SOX4: variants seen among roughly 807,000 people sequenced by gnomAD.
The protein encoded by SOX4 is SRY-box transcription factor 4.
For missense variants in SOX4, 662 were observed against 694.9 expected, an observed-to-expected ratio of 0.95 and a Z score of 0.53; for synonymous variants, 465 against 348.4, an observed-to-expected ratio of 1.33 and a Z score of -3.73.
Position 21,594,415 on chromosome 6 carries a change from C to T in SOX4, c.-120C>T. Reference sequence around the variant, plus strand: ...GCGAGGAGTTGAGGGGCCAGTTCGGCCGCCGCGCGCGTCTTCCCGTTCGGC... The same window carrying T: ...GCGAGGAGTTGAGGGGCCAGTTCGGTCGCCGCGCGCGTCTTCCCGTTCGGC... On this transcript the variant is annotated 5_prime_UTR_variant, in exon 1 of 1. Coordinates refer to ENST00000244745, the MANE Select transcript of SOX4 (RefSeq NM_003107.3). The T allele has an allele frequency of 2.3e-6, 3 of 1,285,824 alleles. No individual in the cohort carries two copies. Among genetic ancestry groups the T allele is most frequent in the Non-Finnish European group, 3.0e-6 (3 of 1,016,634 alleles). The allele number at this position is 1,285,824 out of a possible 1,614,324, so 79.7% of individuals were successfully genotyped here. A position where few individuals can be genotyped will look rare whatever the true frequency, so the allele number is the denominator to read the frequency against.
Position 21,596,169 on chromosome 6 carries a change from C to A in SOX4, c.*210C>A. On this transcript the variant is annotated 3_prime_UTR_variant, in exon 1 of 1. Coordinates refer to ENST00000244745, the MANE Select transcript of SOX4 (RefSeq NM_003107.3). ...CCCGCGCTCCCATCCCCCACCTTCCCGGGCCGGGGACCCACTCTGCCCAGC... is the reference window on the plus strand; with the variant it reads ...CCCGCGCTCCCATCCCCCACCTTCCAGGGCCGGGGACCCACTCTGCCCAGC... 1 of 708,890 alleles carries A rather than the reference C, an allele frequency of 1.4e-6. No individual in the cohort carries two copies. The highest frequency in any genetic ancestry group is 2.1e-6 in the Non-Finnish European group (1 of 485,256). 43.9% of individuals were successfully genotyped at this position (708,890 alleles called of 1,614,324 possible). A position where few individuals can be genotyped will look rare whatever the true frequency, so the allele number is the denominator to read the frequency against.
chr6:21,596,147 G>A lies in SOX4; in HGVS notation c.*188G>A. The A allele has an allele frequency of 5.2e-6, 5 of 955,470 alleles. No homozygotes were observed. The South Asian group carries it at 9.9e-5, about 19-fold the overall frequency. The allele number at this position is 955,470 out of a possible 1,614,324, so 59.2% of individuals were successfully genotyped here. ...AGGAGCGCGGCGGCGTTTTGGACCCGCGCTCCCATCCCCCACCTTCCCGGG... is the reference window on the plus strand; with the variant it reads ...AGGAGCGCGGCGGCGTTTTGGACCCACGCTCCCATCCCCCACCTTCCCGGG... On this transcript the variant is annotated 3_prime_UTR_variant, in exon 1 of 1. Coordinates refer to ENST00000244745, the MANE Select transcript of SOX4 (RefSeq NM_003107.3).
rs1020363595 is a variant in SOX4 at position 21,595,407 on chromosome 6, G to C, written c.873G>C (p.Lys291Asn). The change falls in exon 1 of 1, where the codon AAG becomes AAC. Residue 291 changes from lysine (K) to asparagine (N), a missense_variant. By Grantham distance (94) the Lys-to-Asn change is moderately conservative. Coordinates refer to ENST00000244745, the MANE Select transcript of SOX4 (RefSeq NM_003107.3). ...LAAPGKHLAE[K>N]KVKRVYLFGG... ...CCCCGGGCAAGCACCTGGCGGAGAA[G>C]AAGGTGAAGCGCGTCTACCTGTTCG... 1.3e-6 allele frequency: 2 copies of C among 1,537,120 alleles called. No homozygotes were observed. The highest frequency in any genetic ancestry group is 1.4e-5 in the African/African-American group (1 of 70,010).
rs958354281 is a variant in SOX4 at position 21,595,981 on chromosome 6, G to A, written c.*22G>A. On this transcript the variant is annotated 3_prime_UTR_variant, in exon 1 of 1. Coordinates refer to ENST00000244745, the MANE Select transcript of SOX4 (RefSeq NM_003107.3). The stretch of plus-strand genomic sequence containing the variant: ...CTGAAGGGCGCGCAGGCAGGGAGAA[G>A]GGCCGGGGGGGGTAGGAGAGGAGAA... 3.6e-5 allele frequency: 53 copies of A among 1,492,532 alleles called. No individual in the cohort carries two copies. The highest frequency in any genetic ancestry group is 4.6e-5 in the Non-Finnish European group (52 of 1,118,334). 92.5% of individuals were successfully genotyped at this position (1,492,532 alleles called of 1,614,324 possible). A position where few individuals can be genotyped will look rare whatever the true frequency, so the allele number is the denominator to read the frequency against.
rs1339304659 is a variant in SOX4 at position 21,597,508 on chromosome 6, TTTC to T, written c.*1552_*1554del. 13 of 140,722 alleles carry T rather than the reference TTTC, an allele frequency of 9.2e-5. No homozygotes were observed. The East Asian group carries it at 2.9e-3, about 32-fold the overall frequency. The allele number at this position is 140,722 out of a possible 1,614,324, so 8.7% of individuals were successfully genotyped here. On this transcript the variant is annotated 3_prime_UTR_variant, in exon 1 of 1. Coordinates refer to ENST00000244745, the MANE Select transcript of SOX4 (RefSeq NM_003107.3). ...TTCTTTATTCCTTCCTTTTCCTTTT[TTTC>T]TTTTTTTTTTCTTTTTTTTTTTTTT... is the stretch of plus-strand genomic sequence containing the variant.
In SOX4 at chr6:21,596,174, CG is replaced by C; in HGVS notation, c.*219del. On this transcript the variant is annotated 3_prime_UTR_variant, in exon 1 of 1. Transcript: ENST00000244745. ...GCTCCCATCCCCCACCTTCCCGGGC[CG>C]GGGACCCACTCTGCCCAGCCGGAGG... 6.3e-6 allele frequency: 4 copies of C among 632,762 alleles called. No homozygotes were observed. Among genetic ancestry groups the C allele is most frequent in the Non-Finnish European group, 2.4e-6 (1 of 422,210 alleles). The allele number at this position is 632,762 out of a possible 1,614,324, so 39.2% of individuals were successfully genotyped here.
rs768224472 is a variant in SOX4 at position 21,595,989 on chromosome 6, G to A, written c.*30G>A. 4 of 1,470,572 alleles carry A rather than the reference G, an allele frequency of 2.7e-6. No individual in the cohort carries two copies. Among genetic ancestry groups the A allele is most frequent in the Admixed American group, 5.5e-5 (2 of 36,488 alleles). The allele number at this position is 1,470,572 out of a possible 1,614,324, so 91.1% of individuals were successfully genotyped here. A position where few individuals can be genotyped will look rare whatever the true frequency, so the allele number is the denominator to read the frequency against. On this transcript the variant is annotated 3_prime_UTR_variant, in exon 1 of 1. Transcript: ENST00000244745. ...CGCGCAGGCAGGGAGAAGGGCCGGG[G>A]GGGGTAGGAGAGGAGAAAAAAAAAG...
At position 21,595,009 on chromosome 6, in the gene SOX4, G is replaced by C. The variant is rs781461908; in HGVS notation, c.475G>C (p.Gly159Arg). 1 of 1,523,702 alleles carries C rather than the reference G, an allele frequency of 6.6e-7. No homozygotes were observed. 94.4% of individuals were successfully genotyped at this position (1,523,702 alleles called of 1,614,324 possible). A position where few individuals can be genotyped will look rare whatever the true frequency, so the allele number is the denominator to read the frequency against. The change falls in exon 1 of 1, where the codon GGT (glycine) becomes CGT (arginine). Residue 159 changes from glycine to arginine, a missense_variant. Coordinates refer to ENST00000244745, the MANE Select transcript of SOX4 (RefSeq NM_003107.3). ...SKPGEKGDKVGGSGGGGHGGG... is the reference protein window; with the variant it reads ...SKPGEKGDKVRGSGGGGHGGG... ...GCCGGGGGAGAAGGGAGACAAGGTC[G>C]GTGGCAGTGGCGGGGGCGGCCATGG...
rs1024686881 is a variant in SOX4 at position 21,595,174 on chromosome 6, C to G, written c.640C>G (p.Pro214Ala). ...CGGCGCGGGCGGTGGGGTTAGCAAA[C>G]CGCACGCCAAGCTCATCCTGGCAGG... ...AGGAGGGVSK[P>A]HAKLILAGGG... Residue 214 changes from proline to alanine, a missense_variant, in exon 1 of 1, where the codon CCG becomes GCG. Transcript: ENST00000244745. 5 of 1,287,006 alleles carry G rather than the reference C, an allele frequency of 3.9e-6. No homozygotes were observed. The African/African-American group carries it at 7.8e-5, about 20-fold the overall frequency. The allele number at this position is 1,287,006 out of a possible 1,614,324, so 79.7% of individuals were successfully genotyped here.
chr6:21,597,080 GTC>G lies in SOX4; in HGVS notation c.*1123_*1124del, dbSNP rs976735553. 1.2e-5 allele frequency: 2 copies of G among 166,536 alleles called. No individual in the cohort carries two copies. The highest frequency in any genetic ancestry group is 3.9e-4 in the East Asian group (2 of 5,194). The allele number at this position is 166,536 out of a possible 1,614,324, so 10.3% of individuals were successfully genotyped here. ...TGGGGTTAATATAGCATGTTATCCT[GTC>G]TATCTTTTAAAGATTTCTGTATAAG... On this transcript the variant is annotated 3_prime_UTR_variant, in exon 1 of 1. Transcript: ENST00000244745.
Position 21,594,756 on chromosome 6 carries a change from G to A in SOX4, c.222G>A (p.Arg74=), listed in dbSNP as rs772400293. Reference sequence around the variant, plus strand: ...TCATGGTGTGGTCGCAGATCGAGCGGCGCAAGATCATGGAGCAGTCGCCCG... The same window carrying A: ...TCATGGTGTGGTCGCAGATCGAGCGACGCAAGATCATGGAGCAGTCGCCCG... ...NAFMVWSQIE[R]RKIMEQSPDM... The change falls in exon 1 of 1, where the codon CGG becomes CGA. Residue 74 remains arginine (R), a synonymous_variant. Coordinates refer to ENST00000244745, the MANE Select transcript of SOX4 (RefSeq NM_003107.3). 1.0e-5 allele frequency: 16 copies of A among 1,598,850 alleles called. No individual in the cohort carries two copies. The highest frequency in any genetic ancestry group is 3.5e-5 in the Admixed American group (2 of 56,700).
chr6:21,595,344 C>A lies in SOX4; in HGVS notation c.810C>A (p.Ser270=). 1.3e-6 allele frequency: 2 copies of A among 1,510,818 alleles called. No homozygotes were observed. Among genetic ancestry groups the A allele is most frequent in the Non-Finnish European group, 1.8e-6 (2 of 1,137,876 alleles). The allele number at this position is 1,510,818 out of a possible 1,614,324, so 93.6% of individuals were successfully genotyped here. The change falls in exon 1 of 1, where the codon TCC becomes TCA. Residue 270 remains serine, a synonymous_variant. Coordinates refer to ENST00000244745, the MANE Select transcript of SOX4 (RefSeq NM_003107.3). ...YKARTPSASA[S]ASSAASASAA... ...CGCGGACTCCCAGCGCCTCGGCCTC[C>A]GCCTCCTCGGCAGCCTCGGCCTCCG...
rs766617660 is a variant in SOX4, at chr6:21,595,434, C to T, written c.900C>T (p.Gly300=). ...AGGTGAAGCGCGTCTACCTGTTCGG[C>T]GGCCTGGGCACGTCGTCGTCGCCCG... ...EKKVKRVYLF[G]GLGTSSSPVG... Residue 300 remains glycine, a synonymous_variant, in exon 1 of 1, where the codon GGC becomes GGT. Transcript: ENST00000244745. The T allele has an allele frequency of 1.6e-5, 25 of 1,517,456 alleles. No homozygotes were observed. Among genetic ancestry groups the T allele is most frequent in the African/African-American group, 2.9e-5 (2 of 69,468 alleles). The allele number at this position is 1,517,456 out of a possible 1,614,324, so 94.0% of individuals were successfully genotyped here.
Position 21,594,867 on chromosome 6 carries a change from G to A in SOX4, c.333G>A (p.Glu111=), listed in dbSNP as rs753778863. ...GCGACAAGATCCCTTTCATTCGAGAGGCGGAGCGGCTGCGCCTCAAGCACA... is the reference window on the plus strand; with the variant it reads ...GCGACAAGATCCCTTTCATTCGAGAAGCGGAGCGGCTGCGCCTCAAGCACA... ...KDSDKIPFIR[E]AERLRLKHMA... The change falls in exon 1 of 1, where the codon GAG becomes GAA. Residue 111 remains glutamate (E), a synonymous_variant. Transcript: ENST00000244745. 3.1e-6 allele frequency: 5 copies of A among 1,612,576 alleles called. No homozygotes were observed. The highest frequency in any genetic ancestry group is 3.3e-5 in the Admixed American group (2 of 59,816).
In SOX4 at chr6:21,595,754, A is replaced by C; in HGVS notation, c.1220A>C (p.Asp407Ala). The C allele has an allele frequency of 6.2e-7, 1 of 1,613,246 alleles. No individual in the cohort carries two copies. The highest frequency in any genetic ancestry group is 8.5e-7 in the Non-Finnish European group (1 of 1,179,910). The change falls in exon 1 of 1, where the codon GAC becomes GCC. Residue 407 changes from aspartate to alanine, a missense_variant. Coordinates refer to ENST00000244745, the MANE Select transcript of SOX4 (RefSeq NM_003107.3). ...SDDEFEDDLLDLNPSSNFESM... is the reference protein window; with the variant it reads ...SDDEFEDDLLALNPSSNFESM... ...GACGAGTTCGAAGACGACCTGCTCG[A>C]CCTGAACCCCAGCTCAAACTTTGAG...
rs1017708796 is a variant in SOX4, at chr6:21,594,083, C to G, written c.-452C>G. 6.6e-6 allele frequency: 1 copy of G among 152,338 alleles called. No homozygotes were observed. Among genetic ancestry groups the G allele is most frequent in the South Asian group, 2.1e-4 (1 of 4,692 alleles). The allele number at this position is 152,338 out of a possible 1,614,324, so 9.4% of individuals were successfully genotyped here. The stretch of plus-strand genomic sequence containing the variant: ...AGACTATGTCGCTTTCCTGAGCTAC[C>G]GAGAGCGCTCGTGAACTGGAATCAA... On this transcript the variant is annotated 5_prime_UTR_variant, in exon 1 of 1. Transcript: ENST00000244745.
chr6:21,597,503 C>CT lies in SOX4; in HGVS notation c.*1551dup, dbSNP rs1213931099. On this transcript the variant is annotated 3_prime_UTR_variant, in exon 1 of 1. Coordinates refer to ENST00000244745, the MANE Select transcript of SOX4 (RefSeq NM_003107.3). ...TTTATTTCTTTATTCCTTCCTTTTCCTTTTTTTCTTTTTTTTTTCTTTTTT... is the reference window on the plus strand; with the variant it reads ...TTTATTTCTTTATTCCTTCCTTTTCCTTTTTTTTCTTTTTTTTTTCTTTTTT... 1 of 133,124 alleles carries CT rather than the reference C, an allele frequency of 7.5e-6. No homozygotes were observed. The highest frequency in any genetic ancestry group is 2.5e-4 in the East Asian group (1 of 4,076). 8.2% of individuals were successfully genotyped at this position (133,124 alleles called of 1,614,324 possible).
In SOX4 at chr6:21,594,630, C is replaced by G. The variant is rs1389833904; in HGVS notation, c.96C>G (p.Ser32=). 1.2e-6 allele frequency: 2 copies of G among 1,605,956 alleles called. No homozygotes were observed. The highest frequency in any genetic ancestry group is 1.7e-6 in the Non-Finnish European group (2 of 1,177,158). ...SGAGLELGIA[S]SPTPGSTAST... The stretch of plus-strand genomic sequence containing the variant: ...CCGGCCTCGAGCTGGGAATCGCCTC[C>G]TCCCCCACGCCCGGCTCCACCGCCT... Residue 32 remains serine, a synonymous_variant, in exon 1 of 1, where the codon TCC becomes TCG. Coordinates refer to ENST00000244745, the MANE Select transcript of SOX4 (RefSeq NM_003107.3).
At position 21,595,500 on chromosome 6, in the gene SOX4, G is replaced by C; in HGVS notation, c.966G>C (p.Leu322=). ...VGAGADPSDP[L]GLYEEEGAGC... ...CGGGAGCCGACCCCAGCGACCCCCT[G>C]GGCCTGTACGAGGAGGAGGGCGCGG... The change falls in exon 1 of 1, where the codon CTG becomes CTC. Residue 322 remains leucine (L), a synonymous_variant. Coordinates refer to ENST00000244745, the MANE Select transcript of SOX4 (RefSeq NM_003107.3). The C allele has an allele frequency of 7.5e-7, 1 of 1,340,908 alleles. No individual in the cohort carries two copies. The highest frequency in any genetic ancestry group is 9.6e-7 in the Non-Finnish European group (1 of 1,046,160). 83.1% of individuals were successfully genotyped at this position (1,340,908 alleles called of 1,614,324 possible). A position where few individuals can be genotyped will look rare whatever the true frequency, so the allele number is the denominator to read the frequency against.
Sources: allele counts gnomAD v4.1 joint callset, GRCh38; gene constraint gnomAD v4.1.1; transcripts MANE v1.5; gene names NCBI Gene and HGNC (gene_info 2026-07-23, HGNC 2026-07-21).